CPS1: variants seen among roughly 807,000 people sequenced by gnomAD.
The protein encoded by CPS1 is carbamoyl-phosphate synthase 1.
CPS1 carries 109 observed loss-of-function variants against 174.6 expected under a neutral mutation model. The ratio of observed to expected loss-of-function variants is 0.62; its 90% CI spans 0.53 to 0.73. CPS1 has a LOEUF of 0.73. Among genes scored for constraint, CPS1 ranks in the 30% least tolerant of loss-of-function variants. The pLI is 0.00. For missense variants in CPS1, 1,689 were observed against 1,821.9 expected (o/e 0.93, Z 1.33); for synonymous variants, 637 against 632.0 (o/e 1.01, Z -0.12).
intron 1 of CPS1, among the ~76,000 whole-genome samples, chr2:210,485,397 C>T (rs1694689227): frequency 6.6e-6 from 1 of 152,056 alleles, no homozygotes; most frequent in Admixed American, 6.5e-5. Context: ...CCCCCAGATT[C>T]CCTCATACCA....
At chr2:210,641,485 C>G (rs554851301) in intron 24 of CPS1, among the ~76,000 whole-genome samples, 2 of 152,086 alleles carry the variant, frequency 1.3e-5, no homozygotes, top group African/African-American at 4.8e-5. Flanking sequence ...AACTAAAACC[C>G]TCCTAAAAGG....
intron 21 of CPS1, among the ~76,000 whole-genome samples, chr2:210,627,396 T>G (rs930506763): frequency 1.3e-5 from 2 of 152,180 alleles, no homozygotes; most frequent in Non-Finnish European, 2.9e-5. Flanking sequence ...CTTCCATGTT[T>G]AGGGAGGTGT....
At chr2:210,582,856 A>T in intron 6 of CPS1, 147 bp downstream of exon 6, 1 of 684,308 alleles carries the variant, frequency 1.5e-6, no homozygotes, top group South Asian at 1.7e-5. Context: ...GCTAAAATAC[A>T]CCTTACAAAA....
At position 210,678,078 on chromosome 2, in the gene CPS1, A is replaced by G. The variant is rs1013098567; in HGVS notation, c.*93A>G. Reference sequence around the variant, plus strand: ...ACAACTTTCTCAGAGATGAATATTGATAACTAAACTTCATTTCAGTTTACT... The same window carrying G: ...ACAACTTTCTCAGAGATGAATATTGGTAACTAAACTTCATTTCAGTTTACT... On this transcript the variant is annotated 3_prime_UTR_variant, in exon 38 of 38. Transcript: ENST00000233072. The G allele has an allele frequency of 1.1e-6, 1 of 943,222 alleles. No individual in the cohort carries two copies. The allele number at this position is 943,222 out of a possible 1,614,324, so 58.4% of individuals were successfully genotyped here.
intron 35 of CPS1, 101 bp downstream of exon 35, chr2:210,675,062 T>G (rs960082678): frequency 1.8e-5 from 17 of 928,466 alleles, no homozygotes; most frequent in Non-Finnish European, 3.0e-5. Flanking sequence ...AAATATGTCC[T>G]TTTGATATGA....
At chr2:210,662,978 C>T in intron 32 of CPS1, 145 bp from the exon 33 acceptor site, 1 of 800,722 alleles carries the variant, frequency 1.2e-6, no homozygotes, top group Non-Finnish European at 2.0e-6. Flanking sequence ...AAGTCGGATG[C>T]TTGGACCCAA....
At chr2:210,497,301 T>C (rs1280861229) in intron 1 of CPS1, among the ~76,000 whole-genome samples, 1 of 152,218 alleles carries the variant, frequency 6.6e-6, no homozygotes, top group Admixed American at 6.5e-5. Context: ...GTTAATAAGC[T>C]GAATATGATA....
At chr2:210,594,235 A>G (rs1006221998) in intron 11 of CPS1, among the ~76,000 whole-genome samples, 1 of 151,932 alleles carries the variant, frequency 6.6e-6, no homozygotes, top group Non-Finnish European at 1.5e-5. Flanking sequence ...AATTTACTAA[A>G]AACTTGGCAT....
chr2:210,490,421 ATTAC>A (rs778043087), intron 1 of CPS1, among the ~76,000 whole-genome samples: 2 of 152,308 alleles, frequency 1.3e-5, no homozygotes, highest in Non-Finnish European at 2.9e-5. Context: ...GTACATGAAT[ATTAC>A]TTAATAAATC....
chr2:210,607,001 T>C (rs1387039302), intron 18 of CPS1, 60 bp downstream of exon 18: 1 of 1,466,168 alleles, frequency 6.8e-7, no homozygotes, highest in African/African-American at 1.4e-5. Context: ...AATGAAAAAT[T>C]GACAGATAGT....
chr2:210,638,549 G>A (rs1158180531), intron 22 of CPS1, among the ~76,000 whole-genome samples: 1 of 152,146 alleles, frequency 6.6e-6, no homozygotes, highest in Non-Finnish European at 1.5e-5. Flanking sequence ...TCCACTCAGC[G>A]ATTATTATCT....
At chr2:210,489,983 G>A (rs1369982358) in intron 1 of CPS1, among the ~76,000 whole-genome samples, 3 of 97,392 alleles carry the variant, frequency 3.1e-5, no homozygotes, top group Middle Eastern at 4.5e-3. Flanking sequence ...GGGTGACAGA[G>A]CGAGACTCTG....
chr2:210,598,296 C>T (rs186034146), intron 13 of CPS1, among the ~76,000 whole-genome samples: 1 of 151,926 alleles, frequency 6.6e-6, no homozygotes, highest in Admixed American at 6.6e-5. Flanking sequence ...TGTAAAGTAA[C>T]TACACAAACA....
chr2:210,528,236 C>G (rs1480084294), intron 1 of CPS1, among the ~76,000 whole-genome samples: 1 of 151,316 alleles, frequency 6.6e-6, no homozygotes, highest in Non-Finnish European at 1.5e-5. Flanking sequence ...ACATATTTAC[C>G]CCACCGCAGA....
intron 9 of CPS1, among the ~76,000 whole-genome samples, chr2:210,591,438 G>T (rs1267221124): frequency 6.6e-6 from 1 of 151,854 alleles, no homozygotes; most frequent in Non-Finnish European, 1.5e-5. Flanking sequence ...TATAATTCAG[G>T]TCTGAGCAGT....
intron 1 of CPS1, among the ~76,000 whole-genome samples, chr2:210,566,876 C>T (rs79113494): frequency 0.016 from 2,471 of 152,064 alleles, 57 homozygotes; most frequent in African/African-American, 0.056. Context: ...ATGGAGTTCT[C>T]GGTGACACAA....
chr2:210,554,132 T>TACATATATATGTATATATACACAC (rs1559073320), upstream of CPS1, among the ~76,000 whole-genome samples: 3 of 133,534 alleles, frequency 2.2e-5, no homozygotes, highest in Non-Finnish European at 5.0e-5. Flanking sequence ...TATATATACA[T>TACATATATATGTATATATACACAC]ACATATATAT....
intron 20 of CPS1, 151 bp from the exon 21 acceptor site, chr2:210,616,272 G>A (rs1204667088): frequency 2.9e-6 from 2 of 680,062 alleles, no homozygotes; most frequent in East Asian, 2.7e-5. Flanking sequence ...TGGAAGGAAT[G>A]TCAGTGATGT....
chr2:210,539,090 A>G (rs993219254), intron 1 of CPS1, among the ~76,000 whole-genome samples: 1 of 152,188 alleles, frequency 6.6e-6, no homozygotes, highest in Non-Finnish European at 1.5e-5. Context: ...TTTAGGCTTC[A>G]TGACTAATTT....
Sources: allele counts gnomAD v4.1 joint callset (sites outside exome capture counted in the v4.1 genomes callset), GRCh38; gene constraint gnomAD v4.1.1; transcripts MANE v1.5; gene names NCBI Gene and HGNC (gene_info 2026-07-23, HGNC 2026-07-21).